CIAPIN1: variants seen among roughly 807,000 people sequenced by gnomAD.
CIAPIN1 encodes cytokine induced apoptosis inhibitor 1.
A neutral mutation model predicts 34.3 loss-of-function variants in CIAPIN1; 18 were observed. That is an observed-to-expected ratio of 0.52 (90% CI 0.36 to 0.78). The LOEUF (loss-of-function observed/expected upper bound fraction) is 0.78, where lower values mean the gene tolerates loss of function less well. Among genes scored for constraint, CIAPIN1 ranks in the 30% least tolerant of loss-of-function variants. The pLI is 0.00. For missense variants in CIAPIN1, 310 were observed against 372.5 expected, an observed-to-expected ratio of 0.83 and a Z score of 1.38; for synonymous variants, 131 against 140.4, an observed-to-expected ratio of 0.93 and a Z score of 0.47.
chr16:57,433,479 A>G (rs1335699649), intron 5 of CIAPIN1, among the ~76,000 whole-genome samples: 3 of 152,226 alleles, frequency 2.0e-5, no homozygotes, highest in Non-Finnish European at 4.4e-5. Context: ...CAGCTGGGTC[A>G]ATTCAGGCAT....
chr16:57,437,512 T>TTTATTA (rs145423746), intron 3 of CIAPIN1, among the ~76,000 whole-genome samples: 11,108 of 150,004 alleles, frequency 0.074, 499 homozygotes, highest in African/African-American at 0.13. Context: ...GTGATATTAT[T>TTTATTA]TTATTATTAT....
chr16:57,442,387 G>A (rs543512654), intron 1 of CIAPIN1, among the ~76,000 whole-genome samples: 173 of 152,158 alleles, frequency 1.1e-3, no homozygotes, highest in Middle Eastern at 6.8e-3. Context: ...ATAGCTGGGC[G>A]TGGTGGCTCA....
At chr16:57,430,064 T>G (rs1369658847) in intron 8 of CIAPIN1, among the ~76,000 whole-genome samples, 194 bp downstream of exon 8, 1 of 152,212 alleles carries the variant, frequency 6.6e-6, no homozygotes, top group Non-Finnish European at 1.5e-5. Context: ...AGACCCTCCC[T>G]GACCAGCACA....
Position 57,428,208 on chromosome 16 carries a change from A to G in CIAPIN1, c.*962T>C, listed in dbSNP as rs1446415694. Reference sequence around the variant, plus strand: ...CAGATATCAATGAAAACTTTTATTTACTGGTAAAATATAAAAATCCAGGTC... The same window carrying G: ...CAGATATCAATGAAAACTTTTATTTGCTGGTAAAATATAAAAATCCAGGTC... On this transcript the variant is annotated 3_prime_UTR_variant, in exon 9 of 9. Transcript: ENST00000394391. 2.0e-5 allele frequency: 3 copies of G among 152,250 alleles called. No homozygotes were observed. The East Asian group carries it at 5.8e-4, about 29-fold the overall frequency. The allele number at this position is 152,250 out of a possible 1,614,324, so 9.4% of individuals were successfully genotyped here. A position where few individuals can be genotyped will look rare whatever the true frequency, so the allele number is the denominator to read the frequency against.
At position 57,432,540 on chromosome 16, in the gene CIAPIN1, C is replaced by T. The variant is rs764484598; in HGVS notation, c.577G>A (p.Ala193Thr). 84 of 1,612,884 alleles carry T rather than the reference C, an allele frequency of 5.2e-5. No homozygotes were observed. The highest frequency in any genetic ancestry group is 7.1e-5 in the Non-Finnish European group (84 of 1,179,830). ...GAGAGGGTCCACAGCTTGGCAGCAG[C>T]AGGGTCCACAGCAGGTTTCACTGAG... ...SPSVKPAVDP[A>T]AAKLWTLSAN... Residue 193 changes from alanine (A) to threonine (T), a missense_variant, in exon 6 of 9, where the codon GCT (alanine) becomes ACT (threonine). Physicochemically the swap from Ala to Thr is moderately conservative, Grantham distance 58 (BLOSUM62 0). Transcript: ENST00000394391.
chr16:57,442,305 C>T (rs1035907761), intron 1 of CIAPIN1, among the ~76,000 whole-genome samples: 3 of 151,996 alleles, frequency 2.0e-5, no homozygotes, highest in Admixed American at 6.6e-5. Flanking sequence ...AAGATCGTGC[C>T]GCTGCACTCC....
rs1414855745 is a variant in CIAPIN1 at position 57,440,896 on chromosome 16, A to G, written c.33T>C (p.Phe11=). 6.2e-7 allele frequency: 1 copy of G among 1,613,960 alleles called. No homozygotes were observed. The highest frequency in any genetic ancestry group is 8.5e-7 in the Non-Finnish European group (1 of 1,179,968). The part of the protein sequence containing the change: MADFGISAGQ[F]VAVVWDKSSP... Reference sequence around the variant, plus strand: ...ATGACTTATCCCAGACCACTGCCACAAACTGGCCAGCAGAGATCCCAAAAT... The same window carrying G: ...ATGACTTATCCCAGACCACTGCCACGAACTGGCCAGCAGAGATCCCAAAAT... The change falls in exon 2 of 9, where the codon TTT becomes TTC. Residue 11 remains phenylalanine (F), a synonymous_variant. Transcript: ENST00000394391.
At position 57,428,313 on chromosome 16, in the gene CIAPIN1, GTC is replaced by G. The variant is rs1461410813; in HGVS notation, c.*855_*856del. ...ATGGGTGGATAACAAGAACAAAGGG[GTC>G]TCTGCTCAGAGAGACGTATTGTCGT... On this transcript the variant is annotated 3_prime_UTR_variant, in exon 9 of 9. Transcript: ENST00000394391. The G allele has an allele frequency of 6.6e-6, 1 of 152,150 alleles. No homozygotes were observed. Among genetic ancestry groups the G allele is most frequent in the African/African-American group, 2.4e-5 (1 of 41,422 alleles). 9.4% of individuals were successfully genotyped at this position (152,150 alleles called of 1,614,324 possible). A position where few individuals can be genotyped will look rare whatever the true frequency, so the allele number is the denominator to read the frequency against.
rs1221899483 is a variant in CIAPIN1, at chr16:57,432,475, C to T, written c.630+12G>A. The T allele has an allele frequency of 6.2e-7, 1 of 1,612,874 alleles. No individual in the cohort carries two copies. Among genetic ancestry groups the T allele is most frequent in the Non-Finnish European group, 8.5e-7 (1 of 1,179,264 alleles). On this transcript the variant is annotated intron_variant, in intron 6 of 8. Coordinates refer to ENST00000394391, the MANE Select transcript of CIAPIN1 (RefSeq NM_020313.4). ...GAAAGAAAGCAATCAAGTGACAATG[C>T]TGCCAGCTCACCATGCTGTCGTCCT... is the stretch of plus-strand genomic sequence containing the variant.
At position 57,429,059 on chromosome 16, in the gene CIAPIN1, A is replaced by C. The variant is rs367916874; in HGVS notation, c.*111T>G. On this transcript the variant is annotated 3_prime_UTR_variant, in exon 9 of 9. Coordinates refer to ENST00000394391, the MANE Select transcript of CIAPIN1 (RefSeq NM_020313.4). ...TCTGTCTGCTAAGCACCCACTCTGC[A>C]AACAGATCTCAGAGTGAACAAATCC... 1 of 744,642 alleles carries C rather than the reference A, an allele frequency of 1.3e-6. No individual in the cohort carries two copies. The highest frequency in any genetic ancestry group is 1.7e-5 in the African/African-American group (1 of 57,994). 46.1% of individuals were successfully genotyped at this position (744,642 alleles called of 1,614,324 possible).
chr16:57,429,387 T>C, intron 8 of CIAPIN1, 107 bp from the exon 9 acceptor site: 1 of 720,108 alleles, frequency 1.4e-6, no homozygotes, highest in Non-Finnish European at 2.4e-6. Context: ...CTGAAGGAAA[T>C]GGCTATGTTT....
intron 2 of CIAPIN1, among the ~76,000 whole-genome samples, chr16:57,440,419 C>T (rs1903302373): frequency 6.6e-6 from 1 of 152,166 alleles, no homozygotes; most frequent in Non-Finnish European, 1.5e-5. Context: ...TACACTCCCT[C>T]CCCTTTGAAA....
chr16:57,434,363 T>A (rs1437317564), intron 4 of CIAPIN1, 151 bp from the exon 5 acceptor site: 7 of 689,832 alleles, frequency 1.0e-5, no homozygotes, highest in Non-Finnish European at 1.7e-5. Context: ...CACATTCAGT[T>A]TCTCACTGAT....
intron 4 of CIAPIN1, among the ~76,000 whole-genome samples, chr16:57,434,809 T>C (rs1419592266): frequency 3.3e-5 from 5 of 152,184 alleles, no homozygotes; most frequent in African/African-American, 1.2e-4. Flanking sequence ...AAAAAGGTGA[T>C]TGAACAATGT....
At chr16:57,444,599 G>A (rs181712680) in intron 1 of CIAPIN1, among the ~76,000 whole-genome samples, 7 of 152,214 alleles carry the variant, frequency 4.6e-5, no homozygotes, top group African/African-American at 1.7e-4. Flanking sequence ...AATGTAAAAT[G>A]CTTTGCGTTC....
chr16:57,435,140 C>A (rs1310016913), intron 4 of CIAPIN1, among the ~76,000 whole-genome samples: 1 of 152,182 alleles, frequency 6.6e-6, no homozygotes, highest in African/African-American at 2.4e-5. Context: ...TTAGCACCAT[C>A]TGAATTCTCA....
intron 4 of CIAPIN1, among the ~76,000 whole-genome samples, chr16:57,436,429 T>C (rs1337321494): frequency 3.3e-5 from 5 of 151,996 alleles, no homozygotes; most frequent in African/African-American, 1.2e-4. Context: ...GGGGTTTCAC[T>C]GTGTTAGCCA....
Position 57,440,777 on chromosome 16 carries a change from A to C in CIAPIN1, c.152T>G (p.Leu51Trp), listed in dbSNP as rs746714326. Residue 51 changes from leucine (L) to tryptophan (W), a missense_variant, in exon 2 of 9, where the codon TTG (leucine) becomes TGG (tryptophan). Coordinates refer to ENST00000394391, the MANE Select transcript of CIAPIN1 (RefSeq NM_020313.4). ...RVSVENIKQL[L>W]QSAHKESSFD... ...CAACGTGGGTGGGTACTTACATTGC[A>C]ACAGCTGCTTGATGTTTTCCACAGA... 1.9e-6 allele frequency: 3 copies of C among 1,611,788 alleles called. No homozygotes were observed. The East Asian group carries it at 6.7e-5, about 36-fold the overall frequency.
intron 8 of CIAPIN1, among the ~76,000 whole-genome samples, chr16:57,429,792 T>TCCTTCCAATC (rs1903045056): frequency 7.9e-6 from 1 of 126,362 alleles, no homozygotes; most frequent in African/African-American, 3.0e-5. Context: ...GCACCCGGCC[T>TCCTTCCAATC]TTTTTTTTTT....
Sources: gnomAD v4.1 joint callset for allele counts (sites outside exome capture counted in the v4.1 genomes callset) on GRCh38, gnomAD v4.1.1 for gene constraint, MANE v1.5 for transcripts, NCBI Gene and HGNC (gene_info 2026-07-23, HGNC 2026-07-21) for gene names.